The following LRRIQ1 variants were observed in gnomAD, a reference collection of about 807,000 sequenced individuals.
LRRIQ1 encodes the protein leucine-rich repeat- and IQ domain-containing protein 1.
LRRIQ1 carries 210 observed loss-of-function variants against 211.9 expected under a neutral mutation model. The ratio of observed to expected loss-of-function variants is 0.99; its 90% CI spans 0.89 to 1.11. LRRIQ1 has a LOEUF of 1.11. LRRIQ1 is among the 50% of genes most tolerant of loss of function. The pLI is 0.00. For synonymous variants in LRRIQ1, 699 were observed against 650.1 expected, an observed-to-expected ratio of 1.08 and a Z score of -1.14; for missense variants, 2,136 against 1,939.5, an observed-to-expected ratio of 1.10 and a Z score of -1.90.
At chr12:85,112,868 G>A (rs976248740) in intron 15 of LRRIQ1, among the ~76,000 whole-genome samples, 1 of 152,048 alleles carries the variant, frequency 6.6e-6, no homozygotes, top group African/African-American at 2.4e-5. Context: ...CTGTTCTCCC[G>A]AATGTCTGGA....
intron 26 of LRRIQ1, among the ~76,000 whole-genome samples, chr12:85,238,055 T>G (rs1895274227): frequency 6.6e-6 from 1 of 151,842 alleles, no homozygotes; most frequent in South Asian, 2.1e-4. Context: ...GATTGAAATC[T>G]TAATAGAGAA....
At chr12:85,060,005 G>A (rs1459336034) in intron 8 of LRRIQ1, among the ~76,000 whole-genome samples, 2 of 151,916 alleles carry the variant, frequency 1.3e-5, no homozygotes, top group Non-Finnish European at 2.9e-5. Context: ...TGTTAAGACT[G>A]TTTCTAATTT....
At chr12:85,098,629 A>T in intron 12 of LRRIQ1, 81 bp downstream of exon 12, 1 of 1,121,820 alleles carries the variant, frequency 8.9e-7, no homozygotes, top group Non-Finnish European at 1.3e-6. Context: ...TATTAAAAGC[A>T]ATTTTGAATA....
At chr12:85,154,226 T>TA in intron 23 of LRRIQ1, 132 bp downstream of exon 23, 1 of 405,170 alleles carries the variant, frequency 2.5e-6, no homozygotes, top group Non-Finnish European at 4.2e-6. Flanking sequence ...TAAGATACTC[T>TA]GAAAAAAAAT....
chr12:85,105,878 C>T (rs1414594226), intron 14 of LRRIQ1, among the ~76,000 whole-genome samples: 2 of 146,286 alleles, frequency 1.4e-5, no homozygotes, highest in Non-Finnish European at 3.0e-5. Flanking sequence ...CTCATTGCAA[C>T]CTCCATCTCC....
intron 14 of LRRIQ1, among the ~76,000 whole-genome samples, chr12:85,106,291 G>T (rs1237636441): frequency 6.6e-6 from 1 of 152,108 alleles, no homozygotes; most frequent in Admixed American, 6.6e-5. Context: ...AACCCGAATT[G>T]TAAAGCAGAT....
intron 6 of LRRIQ1, chr12:85,047,702 C>T (rs1879798777): frequency 2.5e-6 from 1 of 395,846 alleles, no homozygotes; most frequent in Non-Finnish European, 4.6e-6. Flanking sequence ...CCAATGGAGT[C>T]TATGAATTTC....
At chr12:85,063,292 G>A (rs964113982) in intron 8 of LRRIQ1, among the ~76,000 whole-genome samples, 10 of 150,742 alleles carry the variant, frequency 6.6e-5, no homozygotes, top group Non-Finnish European at 1.2e-4. Context: ...CATAAAGAAG[G>A]GTATTTCCCA....
intron 6 of LRRIQ1, 57 bp downstream of exon 6, chr12:85,047,527 A>T (rs767047686): frequency 7.1e-7 from 1 of 1,406,554 alleles, no homozygotes; most frequent in Non-Finnish European, 1.0e-6. Flanking sequence ...TCTGAAGAAT[A>T]TTGATATTTG....
chr12:85,060,710 T>A (rs1881691939), intron 8 of LRRIQ1, among the ~76,000 whole-genome samples: 1 of 151,964 alleles, frequency 6.6e-6, no homozygotes, highest in East Asian at 1.9e-4. Flanking sequence ...GCCAAATAGA[T>A]TTGAGATTGG....
chr12:85,243,614 A>T (rs1895571883), intron 26 of LRRIQ1, among the ~76,000 whole-genome samples: 1 of 151,278 alleles, frequency 6.6e-6, no homozygotes, highest in South Asian at 2.1e-4. Context: ...CACAGTGTAT[A>T]TATATATTTT....
At chr12:85,135,861 T>C (rs910800760) in intron 18 of LRRIQ1, among the ~76,000 whole-genome samples, 1 of 151,912 alleles carries the variant, frequency 6.6e-6, no homozygotes, top group African/African-American at 2.4e-5. Flanking sequence ...AGATCCTTGG[T>C]TTCTTTAATG....
chr12:85,085,121 GC>G (rs774659365), intron 11 of LRRIQ1, among the ~76,000 whole-genome samples: 1 of 151,474 alleles, frequency 6.6e-6, no homozygotes, highest in Non-Finnish European at 1.5e-5. Flanking sequence ...TGTTTCCCCC[GC>G]CCCCCAATTT....
downstream of LRRIQ1, among the ~76,000 whole-genome samples, chr12:85,266,907 A>G (rs889743835): frequency 4.6e-5 from 7 of 152,130 alleles, no homozygotes; most frequent in African/African-American, 1.4e-4. Flanking sequence ...TTTCATGGTT[A>G]TATTTGCCAT....
chr12:85,128,878 G>A lies in LRRIQ1; in HGVS notation c.4209+845G>A, dbSNP rs112058146. On this transcript the variant is annotated intron_variant, in intron 18 of 26. Transcript: ENST00000393217. ...TAAAATTTTTGTAACTCAGAAGTCCGAGCACAACATGGATGGATTTTCTGC... is the reference window on the plus strand; with the variant it reads ...TAAAATTTTTGTAACTCAGAAGTCCAAGCACAACATGGATGGATTTTCTGC... Among the ~76,000 whole-genome samples the A allele has an allele frequency of 2.5e-4, 38 of 152,142 alleles. 1 individual carries two copies. Among genetic ancestry groups the A allele is most frequent in the African/African-American group, 8.7e-4 (36 of 41,500 alleles).
At chr12:85,047,542 G>C (rs73180553) in intron 6 of LRRIQ1, 72 bp downstream of exon 6, 131,749 of 1,306,990 alleles carry the variant, frequency 0.1, 8,307 homozygotes, top group East Asian at 0.24. Context: ...TATTTGGATT[G>C]TGTTGCAGAT....
At position 85,056,113 on chromosome 12, in the gene LRRIQ1, G is replaced by A. The variant is rs573583741; in HGVS notation, c.1320G>A (p.Trp440Ter). The change falls in exon 8 of 27, where the codon TGG becomes TGA. Residue 440 changes from tryptophan to a stop codon, truncating the protein, a stop_gained. Transcript: ENST00000393217. LOFTEE classifies it high-confidence loss of function. ...NSKKQEDVLL[W>*]LVEESNMKEN... The stretch of plus-strand genomic sequence containing the variant: ...AGAAGCAGGAAGATGTTCTCCTTTG[G>A]CTAGTTGAGGAATCAAATATGAAAG... 3.1e-6 allele frequency: 5 copies of A among 1,601,608 alleles called. No homozygotes were observed. The South Asian group carries it at 4.6e-5, about 15-fold the overall frequency.
intron 25 of LRRIQ1, 81 bp from the exon 26 acceptor site, chr12:85,232,615 A>G (rs1044442495): frequency 5.0e-5 from 57 of 1,131,110 alleles, no homozygotes; most frequent in Non-Finnish European, 7.3e-5. Flanking sequence ...ATTTCTCTCA[A>G]GCTTTTTAGT....
intron 15 of LRRIQ1, among the ~76,000 whole-genome samples, chr12:85,117,480 T>G (rs1034354441): frequency 6.6e-6 from 1 of 152,198 alleles, no homozygotes; most frequent in Non-Finnish European, 1.5e-5. Context: ...GCTTTATTAA[T>G]TTTTCTTGTA....
Sources: allele counts gnomAD v4.1 joint callset (sites outside exome capture counted in the v4.1 genomes callset), GRCh38; gene constraint gnomAD v4.1.1; transcripts MANE v1.5; gene names NCBI Gene and HGNC (gene_info 2026-07-23, HGNC 2026-07-21).